FAM78B: variants seen among roughly 807,000 people sequenced by gnomAD.
FAM78B encodes the protein protein FAM78B.
A neutral mutation model predicts 20.0 loss-of-function variants in FAM78B; 10 were observed. The observed-to-expected ratio is 0.50, with a 90% CI of 0.31 to 0.85. The LOEUF is 0.85. Among genes scored for constraint, FAM78B ranks in the 40% least tolerant of loss-of-function variants. The probability of loss-of-function intolerance (pLI) is 0.05; values close to 1 mark genes in which losing one functional copy is unlikely to be tolerated. For missense variants in FAM78B, 283 were observed against 345.0 expected (o/e 0.82, Z 1.42); for synonymous variants, 135 against 132.8 (o/e 1.02, Z -0.12).
intron 1 of FAM78B, among the ~76,000 whole-genome samples, chr1:166,140,913 C>T (rs1399774872): frequency 1.3e-5 from 2 of 152,204 alleles, no homozygotes; most frequent in Non-Finnish European, 2.9e-5. Context: ...GTAATATTAT[C>T]ATTAGTGCTC....
rs573823875 is a variant in FAM78B, at chr1:166,141,711, T to C, written c.263+24275A>G. Among the ~76,000 whole-genome samples, 11 of 152,292 alleles carry C rather than the reference T, an allele frequency of 7.2e-5. No individual in the cohort carries two copies. The East Asian group carries it at 1.9e-3, about 27-fold the overall frequency. On this transcript the variant is annotated intron_variant, in intron 1 of 1. Coordinates refer to ENST00000354422, the MANE Select transcript of FAM78B (RefSeq NM_001017961.5). ...GTGAGGCCTGTCAAAGGCTGACTGATAGATAAGTGGCAGTTACCTCTGGTG... is the reference window on the plus strand; with the variant it reads ...GTGAGGCCTGTCAAAGGCTGACTGACAGATAAGTGGCAGTTACCTCTGGTG...
chr1:166,166,250 CT>C lies in FAM78B; in HGVS notation c.-3del. The C allele has an allele frequency of 7.0e-7, 1 of 1,423,240 alleles. No individual in the cohort carries two copies. The highest frequency in any genetic ancestry group is 9.3e-7 in the Non-Finnish European group (1 of 1,080,144). The allele number at this position is 1,423,240 out of a possible 1,614,324, so 88.2% of individuals were successfully genotyped here. ...GGTGATGCTTTGGATACAGCCCATC[CT>C]GCAGCCCGGTGCCGGCACGGCGCGG... is the stretch of plus-strand genomic sequence containing the variant. On this transcript the variant is annotated 5_prime_UTR_variant, in exon 1 of 2. Transcript: ENST00000354422.
chr1:166,137,803 A>C (rs1236188234), intron 1 of FAM78B, among the ~76,000 whole-genome samples: 1 of 152,252 alleles, frequency 6.6e-6, no homozygotes. Context: ...ATGGGAAGTA[A>C]GGAGTCTGGG....
chr1:166,069,464 C>A lies in FAM78B; in HGVS notation c.*777G>T, dbSNP rs1260598731. The A allele has an allele frequency of 6.6e-6, 1 of 152,020 alleles. No individual in the cohort carries two copies. Among genetic ancestry groups the A allele is most frequent in the African/African-American group, 2.4e-5 (1 of 41,362 alleles). The allele number at this position is 152,020 out of a possible 1,614,324, so 9.4% of individuals were successfully genotyped here. A position where few individuals can be genotyped will look rare whatever the true frequency, so the allele number is the denominator to read the frequency against. On this transcript the variant is annotated 3_prime_UTR_variant, in exon 2 of 2. Coordinates refer to ENST00000354422, the MANE Select transcript of FAM78B (RefSeq NM_001017961.5). ...ATTTCACTAAAACATGGACAGGGCCCCAAATATCATAACTATTGCAGAATG... is the reference window on the plus strand; with the variant it reads ...ATTTCACTAAAACATGGACAGGGCCACAAATATCATAACTATTGCAGAATG...
intron 1 of FAM78B, among the ~76,000 whole-genome samples, chr1:166,084,799 C>A (rs568631075): frequency 6.6e-6 from 1 of 152,150 alleles, no homozygotes; most frequent in African/African-American, 2.4e-5. Flanking sequence ...TTGCCACCTG[C>A]GCATCAGGTG....
chr1:166,056,020 C>T (rs147173832), downstream of FAM78B, among the ~76,000 whole-genome samples: 83 of 152,266 alleles, frequency 5.5e-4, no homozygotes, highest in African/African-American at 1.9e-3. Flanking sequence ...AGAGAAGATG[C>T]AGGAATCCCT....
intron 1 of FAM78B, among the ~76,000 whole-genome samples, chr1:166,098,339 G>T (rs911511474): frequency 6.6e-6 from 1 of 151,942 alleles, no homozygotes; most frequent in Non-Finnish European, 1.5e-5. Flanking sequence ...GCCCTGCCCC[G>T]CCGCCTCCAA....
intron 1 of FAM78B, 152 bp from the exon 2 acceptor site, chr1:166,070,915 G>A: frequency 1.4e-6 from 1 of 717,778 alleles, no homozygotes; most frequent in Non-Finnish European, 2.1e-6. Context: ...ATGCTGTGCT[G>A]TTTCAGGATT....
At chr1:166,091,568 T>C (rs966571526) in intron 1 of FAM78B, among the ~76,000 whole-genome samples, 4 of 152,180 alleles carry the variant, frequency 2.6e-5, no homozygotes, top group African/African-American at 9.7e-5. Context: ...CTTTTGTAAA[T>C]TGTCCAGTCT....
intron 1 of FAM78B, among the ~76,000 whole-genome samples, chr1:166,138,333 C>T (rs569072383): frequency 3.0e-4 from 46 of 152,238 alleles, no homozygotes; most frequent in African/African-American, 1.1e-3. Context: ...TTGCCCACCC[C>T]CTGTGTTTCT....
chr1:166,090,222 A>C (rs1403987747), intron 1 of FAM78B, among the ~76,000 whole-genome samples: 1 of 152,206 alleles, frequency 6.6e-6, no homozygotes, highest in Non-Finnish European at 1.5e-5. Context: ...TGTGAAAACT[A>C]AGAAATGAAA....
At chr1:166,114,250 G>A (rs937668322) in intron 1 of FAM78B, among the ~76,000 whole-genome samples, 1 of 152,172 alleles carries the variant, frequency 6.6e-6, no homozygotes, top group African/African-American at 2.4e-5. Context: ...GCAGAACATA[G>A]TCTAATGCCC....
chr1:166,133,754 T>C (rs577573541), intron 1 of FAM78B, among the ~76,000 whole-genome samples: 1 of 152,362 alleles, frequency 6.6e-6, no homozygotes, highest in African/African-American at 2.4e-5. Flanking sequence ...TCAGGCCGTC[T>C]GCTTCAATTG....
At chr1:166,106,298 A>T (rs1364851566) in intron 1 of FAM78B, among the ~76,000 whole-genome samples, 1 of 151,804 alleles carries the variant, frequency 6.6e-6, no homozygotes, top group African/African-American at 2.4e-5. Context: ...TGGCACATGT[A>T]TACATATGTA....
At chr1:166,144,142 G>A (rs921374726) in intron 1 of FAM78B, among the ~76,000 whole-genome samples, 2 of 152,204 alleles carry the variant, frequency 1.3e-5, no homozygotes, top group Non-Finnish European at 2.9e-5. Flanking sequence ...GGGATGAAGG[G>A]CTTGGTGGGT....
At chr1:166,134,690 T>C (rs1299435160) in intron 1 of FAM78B, among the ~76,000 whole-genome samples, 2 of 152,192 alleles carry the variant, frequency 1.3e-5, no homozygotes, top group Admixed American at 6.5e-5. Flanking sequence ...CTGTTCCTGA[T>C]TGTGGTGTCA....
At chr1:166,137,843 A>C (rs1451824742) in intron 1 of FAM78B, among the ~76,000 whole-genome samples, 2 of 152,228 alleles carry the variant, frequency 1.3e-5, no homozygotes, top group Admixed American at 6.5e-5. Context: ...CAATTGCTCC[A>C]TACCTGCAGG....
chr1:166,132,736 G>A (rs1654919542), intron 1 of FAM78B, among the ~76,000 whole-genome samples: 1 of 152,126 alleles, frequency 6.6e-6, no homozygotes, highest in Admixed American at 6.5e-5. Context: ...TGTTTTCTGT[G>A]AGGAAACCAC....
intron 1 of FAM78B, among the ~76,000 whole-genome samples, chr1:166,109,881 T>C (rs1183749732): frequency 6.3e-5 from 1 of 15,908 alleles, no homozygotes; most frequent in Non-Finnish European, 1.1e-4. Flanking sequence ...TATATATATA[T>C]GTATATATGT....
Sources: allele counts gnomAD v4.1 joint callset (sites outside exome capture counted in the v4.1 genomes callset), GRCh38; gene constraint gnomAD v4.1.1; transcripts MANE v1.5; gene names NCBI Gene and HGNC (gene_info 2026-07-23, HGNC 2026-07-21).